SNRPN: variants seen among roughly 807,000 people sequenced by gnomAD.
SNRPN encodes the protein small nuclear ribonucleoprotein-associated protein N.
In SNRPN, 7 loss-of-function variants were observed where a neutral mutation model predicts 25.2. The ratio of observed to expected loss-of-function variants is 0.28; its 90% CI spans 0.16 to 0.52. SNRPN has a LOEUF of 0.52. Ranked by LOEUF, SNRPN falls within the 20% of genes least tolerant of loss-of-function variation. The pLI, the probability that SNRPN is intolerant of heterozygous loss-of-function variation, is 0.96. For missense variants in SNRPN, 196 were observed against 322.5 expected, an observed-to-expected ratio of 0.61 and a Z score of 3.00; for synonymous variants, 124 against 110.6, an observed-to-expected ratio of 1.12 and a Z score of -0.76.
chr15:24,834,763 A>C (rs1469276737), intron 2 of SNRPN, among the ~76,000 whole-genome samples: 940 of 58,978 alleles, frequency 0.016, 15 homozygotes, highest in African/African-American at 0.041. Context: ...ATATATATAT[A>C]TATATATATA....
chr15:24,858,597 C>T (rs750335971), intron 1 of SNRPN, among the ~76,000 whole-genome samples: 7 of 151,620 alleles, frequency 4.6e-5, no homozygotes, highest in Non-Finnish European at 8.8e-5. Context: ...GAGTTTGATA[C>T]TAGCCTGGAC....
At chr15:24,927,444 C>T (rs547610221) in intron 3 of SNRPN, among the ~76,000 whole-genome samples, 1 of 144,148 alleles carries the variant, frequency 6.9e-6, no homozygotes, top group Admixed American at 7.2e-5. Flanking sequence ...TTTTTTTCTC[C>T]CTCTGTTTCC....
chr15:24,827,007 AT>A (rs1195200716), intron 1 of SNRPN, among the ~76,000 whole-genome samples: 1 of 152,102 alleles, frequency 6.6e-6, no homozygotes. Context: ...ATGGTGTCAT[AT>A]CCCATATATA....
chr15:24,922,253 G>T (rs1202542550), intron 3 of SNRPN, among the ~76,000 whole-genome samples: 2 of 152,076 alleles, frequency 1.3e-5, no homozygotes, highest in African/African-American at 4.8e-5. Context: ...AAGGCTAAGA[G>T]CCTTGTTCAA....
chr15:24,834,751 C>CTCTCTCTCTATA lies in SNRPN; in HGVS notation c.-579+4847_-579+4848insCTCTCTCTATAT. ...TCCCTCTCTCTCTCTCTCTCTCTCT[C>CTCTCTCTCTATA]TATATATATATATATATATATATAT... On this transcript the variant is annotated intron_variant, in intron 2 of 12. Transcript: ENST00000400100. 3.2e-3 allele frequency among the ~76,000 whole-genome samples: 198 copies of CTCTCTCTCTATA among 60,940 alleles called. 3 individuals are homozygous for CTCTCTCTCTATA. Among genetic ancestry groups the CTCTCTCTCTATA allele is most frequent in the Non-Finnish European group, 4.5e-3 (135 of 30,228 alleles). The allele number at this position is 60,940 out of a possible 152,430, so 40.0% of individuals were successfully genotyped here. A position where few individuals can be genotyped will look rare whatever the true frequency, so the allele number is the denominator to read the frequency against.
rs148998693 is a variant in SNRPN, at chr15:24,880,604, T to C, written c.-578-5912T>C. Among the ~76,000 whole-genome samples, 646 of 152,318 alleles carry C rather than the reference T, an allele frequency of 4.2e-3. 4 individuals are homozygous for C. The highest frequency in any genetic ancestry group is 0.015 in the African/African-American group (617 of 41,572). On this transcript the variant is annotated intron_variant, in intron 1 of 11. Coordinates refer to the SNRPN transcript ENST00000400097. ...AGGAGAGACAGGGCAGAAAATACTT[T>C]TTCTTTCCTGAAAATGGAACCCTAA...
intron 2 of SNRPN, among the ~76,000 whole-genome samples, chr15:24,916,533 T>G (rs1373394580): frequency 2.0e-5 from 3 of 151,938 alleles, no homozygotes; most frequent in Non-Finnish European, 4.4e-5. Flanking sequence ...CCAGCCCATG[T>G]GATAGAACCA....
At chr15:24,866,842 C>G (rs1200195060) in intron 1 of SNRPN, among the ~76,000 whole-genome samples, 1 of 152,116 alleles carries the variant, frequency 6.6e-6, no homozygotes, top group Non-Finnish European at 1.5e-5. Context: ...CAGGTTCAAC[C>G]ATGTTGTCGC....
chr15:24,928,190 A>C (rs1338097471), intron 3 of SNRPN, among the ~76,000 whole-genome samples: 2 of 152,156 alleles, frequency 1.3e-5, no homozygotes, highest in African/African-American at 2.4e-5. Flanking sequence ...AAAAAACTAC[A>C]AATGGAACTA....
chr15:24,848,399 C>T (rs543677629), intron 2 of SNRPN: 5 of 152,204 alleles, frequency 3.3e-5, no homozygotes, highest in Admixed American at 6.5e-5. Context: ...TCTTATCAGC[C>T]GCTTATACCG....
intron 3 of SNRPN, among the ~76,000 whole-genome samples, chr15:24,943,399 T>A (rs1412486972): frequency 6.6e-6 from 1 of 152,054 alleles, no homozygotes; most frequent in African/African-American, 2.4e-5. Flanking sequence ...ATCATCTGAT[T>A]GAAGGGAACC....
At chr15:24,857,950 CT>C (rs2053572015) in intron 1 of SNRPN, among the ~76,000 whole-genome samples, 1 of 152,032 alleles carries the variant, frequency 6.6e-6, no homozygotes, top group Non-Finnish European at 1.5e-5. Context: ...GGAGTGGAAG[CT>C]GTCCTCTTGC....
chr15:24,834,751 C>CTCTCTCTCTATATA lies in SNRPN; in HGVS notation c.-579+4847_-579+4848insCTCTCTCTATATAT. 3.6e-3 allele frequency among the ~76,000 whole-genome samples: 221 copies of CTCTCTCTCTATATA among 60,938 alleles called. 4 individuals are homozygous for CTCTCTCTCTATATA. Among genetic ancestry groups the CTCTCTCTCTATATA allele is most frequent in the Non-Finnish European group, 4.8e-3 (145 of 30,228 alleles). 40.0% of individuals were successfully genotyped at this position (60,938 alleles called of 152,430 possible). On this transcript the variant is annotated intron_variant, in intron 2 of 12. Coordinates refer to the SNRPN transcript ENST00000400100. ...TCCCTCTCTCTCTCTCTCTCTCTCT[C>CTCTCTCTCTATATA]TATATATATATATATATATATATAT...
intron 8 of SNRPN, 33 bp from the exon 9 acceptor site, chr15:24,978,160 T>G: frequency 6.2e-7 from 1 of 1,600,600 alleles, no homozygotes; most frequent in South Asian, 1.1e-5. Flanking sequence ...AGCCATTTTA[T>G]GAGGCCTTTA....
chr15:24,912,839 C>A (rs2059294076), intron 2 of SNRPN, among the ~76,000 whole-genome samples: 1 of 152,162 alleles, frequency 6.6e-6, no homozygotes. Flanking sequence ...GACAGCAGCC[C>A]CGTTTAGACC....
At chr15:24,895,551 T>G (rs945515764) in intron 2 of SNRPN, among the ~76,000 whole-genome samples, 4 of 152,036 alleles carry the variant, frequency 2.6e-5, no homozygotes, top group Admixed American at 2.6e-4. Flanking sequence ...CTGGTCAAGC[T>G]GAAAGATGGC....
intron 1 of SNRPN, among the ~76,000 whole-genome samples, chr15:24,857,274 C>T (rs1079206): frequency 3.2e-3 from 488 of 152,260 alleles, no homozygotes; most frequent in African/African-American, 0.011. Context: ...CTCCTTACCC[C>T]AAAACTGTAG....
intron 1 of SNRPN, among the ~76,000 whole-genome samples, chr15:24,861,886 TATGA>T (rs2054016098): frequency 7.0e-6 from 1 of 143,642 alleles, no homozygotes; most frequent in South Asian, 2.1e-4. Flanking sequence ...AAATTGTGCT[TATGA>T]TAGTTCTAAA....
chr15:24,975,650 C>T, intron 5 of SNRPN, 141 bp downstream of exon 5: 1 of 676,772 alleles, frequency 1.5e-6, no homozygotes, highest in Non-Finnish European at 2.5e-6. Context: ...AACCTCTTGA[C>T]CTGATCTCTG....
Sources: gnomAD v4.1 joint callset for allele counts (sites outside exome capture counted in the v4.1 genomes callset) on GRCh38, gnomAD v4.1.1 for gene constraint, MANE v1.5 for transcripts, NCBI Gene and HGNC (gene_info 2026-07-23, HGNC 2026-07-21) for gene names.